OSBPL3: variants seen among roughly 807,000 people sequenced by gnomAD.
OSBPL3 encodes the protein oxysterol-binding protein-related protein 3.
In OSBPL3, 65 loss-of-function variants were observed where a neutral mutation model predicts 120.1. The observed-to-expected ratio is 0.54, with a 90% CI of 0.44 to 0.67. The LOEUF is 0.67. OSBPL3 is among the 30% of genes least tolerant of loss of function. The probability of loss-of-function intolerance (pLI) is 0.00; values close to 1 mark genes in which losing one functional copy is unlikely to be tolerated. For synonymous variants in OSBPL3, 416 were observed against 402.6 expected (o/e 1.03, Z -0.40); for missense variants, 1,004 against 1,082.1 (o/e 0.93, Z 1.01).
rs928568581 is a variant in OSBPL3, at chr7:24,918,775, G to A, written c.-149-26154C>T. Among the ~76,000 whole-genome samples, 2 of 152,142 alleles carry A rather than the reference G, an allele frequency of 1.3e-5. No individual in the cohort carries two copies. Among genetic ancestry groups the A allele is most frequent in the Admixed American group, 6.5e-5 (1 of 15,274 alleles). On this transcript the variant is annotated intron_variant, in intron 1 of 22. Coordinates refer to ENST00000313367, the MANE Select transcript of OSBPL3 (RefSeq NM_015550.4). This position sits in a 1 kb window ranked among gnomAD's most constrained non-coding sequence, Gnocchi z 4.3. Reference sequence around the variant, plus strand: ...ATTCAGTAATTCCAATTCCTATGATGACCCTGGAGAAAATACTTTCTAAAT... The same window carrying A: ...ATTCAGTAATTCCAATTCCTATGATAACCCTGGAGAAAATACTTTCTAAAT...
chr7:24,884,774 G>A (rs776760029), intron 2 of OSBPL3, among the ~76,000 whole-genome samples: 13 of 152,194 alleles, frequency 8.5e-5, no homozygotes, highest in African/African-American at 3.1e-4. Flanking sequence ...ATAAACAGCC[G>A]GAGATTCAAA....
chr7:24,858,752 T>A (rs1218567195), intron 10 of OSBPL3, among the ~76,000 whole-genome samples: 1 of 152,172 alleles, frequency 6.6e-6, no homozygotes, highest in Non-Finnish European at 1.5e-5. Context: ...ATTACAGACT[T>A]TCAACAAGGT....
chr7:24,907,474 A>C (rs2128404358), intron 1 of OSBPL3, among the ~76,000 whole-genome samples: 1 of 152,288 alleles, frequency 6.6e-6, no homozygotes, highest in South Asian at 2.1e-4. Context: ...CATGTAAAAC[A>C]CTCAGCATAG....
rs1439167245 is a variant in OSBPL3, at chr7:24,883,182, G to A, written c.96+9195C>T. Among the ~76,000 whole-genome samples, 3 of 152,204 alleles carry A rather than the reference G, an allele frequency of 2.0e-5. No individual in the cohort carries two copies. The highest frequency in any genetic ancestry group is 4.4e-5 in the Non-Finnish European group (3 of 68,036). On this transcript the variant is annotated intron_variant, in intron 2 of 22. Coordinates refer to ENST00000313367, the MANE Select transcript of OSBPL3 (RefSeq NM_015550.4). This position sits in a 1 kb window ranked among gnomAD's most constrained non-coding sequence, Gnocchi z 5.4. ...ATGTGATTCATCTGAAGTAGGAACAGAGAGGAGGTGATTTAGGGTGATGTG... is the reference window on the plus strand; with the variant it reads ...ATGTGATTCATCTGAAGTAGGAACAAAGAGGAGGTGATTTAGGGTGATGTG...
rs966743958 is a variant in OSBPL3, at chr7:24,819,309, T to C, written c.1948+866A>G. ...AAACAAAGAAGAGGTGCTTATAGCA[T>C]GAGTGAGATTTACCAATTAGGAGGC... On this transcript the variant is annotated intron_variant, in intron 17 of 22. Coordinates refer to ENST00000313367, the MANE Select transcript of OSBPL3 (RefSeq NM_015550.4). This position sits in a 1 kb window ranked among gnomAD's most constrained non-coding sequence, Gnocchi z 4.1. Among the ~76,000 whole-genome samples the C allele has an allele frequency of 6.6e-5, 10 of 150,708 alleles. No homozygotes were observed. The highest frequency in any genetic ancestry group is 2.2e-4 in the African/African-American group (9 of 40,950).
chr7:24,924,773 A>C (rs1166222022), intron 1 of OSBPL3, among the ~76,000 whole-genome samples: 2 of 152,230 alleles, frequency 1.3e-5, no homozygotes, highest in Non-Finnish European at 2.9e-5. Context: ...GACAGTAATC[A>C]GAAGGCTGTT....
rs1381122535 is a variant in OSBPL3 at position 24,867,937 on chromosome 7, TATTTA to T, written c.382-1705_382-1701del. On this transcript the variant is annotated intron_variant, in intron 5 of 22. Coordinates refer to ENST00000313367, the MANE Select transcript of OSBPL3 (RefSeq NM_015550.4). The surrounding 1 kb of genome is among the most constrained non-coding windows in gnomAD (Gnocchi z 4.5). ...GAAGAATACTGTAACTAGTAGTTTT[TATTTA>T]AAGATATTTCAAATGTTTATAAAAA... Among the ~76,000 whole-genome samples, 2 of 152,228 alleles carry T rather than the reference TATTTA, an allele frequency of 1.3e-5. No individual in the cohort carries two copies. The highest frequency in any genetic ancestry group is 2.9e-5 in the Non-Finnish European group (2 of 68,052).
Position 24,816,537 on chromosome 7 carries a change from G to A in OSBPL3, c.2027+73C>T, listed in dbSNP as rs1794492860. On this transcript the variant is annotated intron_variant, in intron 18 of 22. Coordinates refer to ENST00000313367, the MANE Select transcript of OSBPL3 (RefSeq NM_015550.4). The stretch of plus-strand genomic sequence containing the variant: ...AATGCAACTGCCGGGGGCGGGGGTG[G>A]GCATCCTGTCCCCAAAGCAAAATCT... 8 of 950,502 alleles carry A rather than the reference G, an allele frequency of 8.4e-6. 1 individual carries two copies. In the South Asian group the frequency reaches 1.1e-4, roughly 13 times the overall value. 58.9% of individuals were successfully genotyped at this position (950,502 alleles called of 1,614,324 possible). A position where few individuals can be genotyped will look rare whatever the true frequency, so the allele number is the denominator to read the frequency against.
At chr7:24,878,935 G>T (rs1344485086) in intron 2 of OSBPL3, among the ~76,000 whole-genome samples, 1 of 152,182 alleles carries the variant, frequency 6.6e-6, no homozygotes, top group East Asian at 1.9e-4. Context: ...CACATTCCAG[G>T]AGACCAGGCT....
At chr7:24,969,629 A>T (rs920990586) in intron 1 of OSBPL3, among the ~76,000 whole-genome samples, 2 of 151,820 alleles carry the variant, frequency 1.3e-5, no homozygotes, top group African/African-American at 4.8e-5. Context: ...TTTTTGCCTG[A>T]TTTTACCAAC....
At chr7:24,903,505 A>G (rs1234526906) in intron 1 of OSBPL3, among the ~76,000 whole-genome samples, 1 of 152,234 alleles carries the variant, frequency 6.6e-6, no homozygotes, top group Non-Finnish European at 1.5e-5. Flanking sequence ...AATGATTTCT[A>G]TGCAAATGTA....
rs368037707 is a variant in OSBPL3 at position 24,834,190 on chromosome 7, C to A, written c.1746+296G>T. 4.4e-5 allele frequency: 49 copies of A among 1,109,542 alleles called. 1 individual carries two copies. In the Admixed American group the frequency reaches 6.0e-4, roughly 14 times the overall value. 68.7% of individuals were successfully genotyped at this position (1,109,542 alleles called of 1,614,324 possible). A position where few individuals can be genotyped will look rare whatever the true frequency, so the allele number is the denominator to read the frequency against. On this transcript the variant is annotated intron_variant, in intron 15 of 22. Transcript: ENST00000313367. This position sits in a 1 kb window ranked among gnomAD's most constrained non-coding sequence, Gnocchi z 5.2. ...AGACATGTTTTCCAGCCGGGCACAT[C>A]GGAACAATCAGCCAGAAGGCTTCTG...
In OSBPL3 at chr7:24,800,248, C is replaced by G; in HGVS notation, c.2599G>C (p.Gly867Arg). 1.2e-6 allele frequency: 2 copies of G among 1,611,824 alleles called. No homozygotes were observed. The highest frequency in any genetic ancestry group is 1.7e-6 in the Non-Finnish European group (2 of 1,178,144). The part of the protein sequence containing the change: ...KSDDDSWVSN[G>R]TYLELRKDLG... ...TCTTTTCTAAGTTCCAAATAGGTGC[C>G]GTTGCTCACCCAAGAGTCATCGTCG... is the stretch of plus-strand genomic sequence containing the variant. The change falls in exon 23 of 23, where the codon GGC becomes CGC. Residue 867 changes from glycine to arginine, a missense_variant. Around this residue, in one of 4 missense-constraint regions of OSBPL3, gnomAD observed 473 missense variants for 568.0 expected, o/e 0.83. Transcript: ENST00000313367.
At chr7:24,897,320 C>T (rs946928681) in intron 1 of OSBPL3, among the ~76,000 whole-genome samples, 67 of 102,282 alleles carry the variant, frequency 6.6e-4, no homozygotes, top group Admixed American at 1.2e-3. Flanking sequence ...ATGGCAGAAT[C>T]TTTTTTTTTT....
chr7:24,850,498 A>G (rs1440767549), intron 11 of OSBPL3, among the ~76,000 whole-genome samples: 1 of 152,212 alleles, frequency 6.6e-6, no homozygotes, highest in Non-Finnish European at 1.5e-5. Context: ...GACCTGCTGA[A>G]AGCATAGAAG....
intron 1 of OSBPL3, among the ~76,000 whole-genome samples, chr7:24,923,855 GC>G (rs1032365568): frequency 6.6e-6 from 1 of 152,150 alleles, no homozygotes; most frequent in Non-Finnish European, 1.5e-5. Flanking sequence ...TCTGAGAGCT[GC>G]CCCCTTGCAT....
At chr7:24,876,085 C>A (rs1372145066) in intron 2 of OSBPL3, among the ~76,000 whole-genome samples, 1 of 152,208 alleles carries the variant, frequency 6.6e-6, no homozygotes, top group Non-Finnish European at 1.5e-5. Flanking sequence ...ACCATCCTAA[C>A]CTCGGCTCTC....
In OSBPL3 at chr7:24,872,939, TTTA is replaced by T. The variant is rs941497554; in HGVS notation, c.97-873_97-871del. 6.6e-6 allele frequency among the ~76,000 whole-genome samples: 1 copy of T among 152,176 alleles called. No homozygotes were observed. The highest frequency in any genetic ancestry group is 2.4e-5 in the African/African-American group (1 of 41,438). ...ACTTCAGTGACTGGGAGAATTTATT[TTTA>T]TTATTATTTTTACATTTTTATTGGG... is the stretch of plus-strand genomic sequence containing the variant. On this transcript the variant is annotated intron_variant, in intron 2 of 22. Transcript: ENST00000313367. This position sits in a 1 kb window ranked among gnomAD's most constrained non-coding sequence, Gnocchi z 4.1.
Position 24,820,048 on chromosome 7 carries a change from C to A in OSBPL3, c.1948+127G>T. The A allele has an allele frequency of 1.6e-6, 1 of 610,626 alleles. No homozygotes were observed. Among genetic ancestry groups the A allele is most frequent in the Non-Finnish European group, 3.0e-6 (1 of 338,034 alleles). The allele number at this position is 610,626 out of a possible 1,614,324, so 37.8% of individuals were successfully genotyped here. Reference sequence around the variant, plus strand: ...AGAGGCAAGAACAGGTGGCGCAGATCCTTCCAACCAGGCCCAAATCCAAGG... The same window carrying A: ...AGAGGCAAGAACAGGTGGCGCAGATACTTCCAACCAGGCCCAAATCCAAGG... On this transcript the variant is annotated intron_variant, in intron 17 of 22. Transcript: ENST00000313367. This position sits in a 1 kb window ranked among gnomAD's most constrained non-coding sequence, Gnocchi z 4.6.
Sources: allele counts gnomAD v4.1 joint callset (sites outside exome capture counted in the v4.1 genomes callset), GRCh38; gene constraint gnomAD v4.1.1; regional missense constraint gnomAD v4.1.1; non-coding constraint Gnocchi (gnomAD v3.1); transcripts MANE v1.5; gene names NCBI Gene and HGNC (gene_info 2026-07-23, HGNC 2026-07-21).